The following ADAM12 variants were observed in gnomAD, a reference collection of about 807,000 sequenced individuals.
ADAM12 encodes disintegrin and metalloproteinase domain-containing protein 12.
ADAM12 carries 70 observed loss-of-function variants against 106.4 expected under a neutral mutation model. The observed-to-expected ratio is 0.66, with a 90% CI of 0.54 to 0.80. The LOEUF (loss-of-function observed/expected upper bound fraction) is 0.80, where lower values mean the gene tolerates loss of function less well. Ranked by LOEUF, ADAM12 falls within the 30% of genes least tolerant of loss-of-function variation. ADAM12 has a pLI of 0.00. For synonymous variants in ADAM12, 420 were observed against 433.5 expected (o/e 0.97, Z 0.39); for missense variants, 1,010 against 1,171.9 (o/e 0.86, Z 2.02).
rs1227565662 is a variant in ADAM12, at chr10:126,388,353, TGCGTGC to T, written c.-214_-209del. The stretch of plus-strand genomic sequence containing the variant: ...AAAAGTTTCCCCCCGTGTGTGTGCG[TGCGTGC>T]GCGCGCGCGCGCCGTTCTGGCACAA... On this transcript the variant is annotated 5_prime_UTR_variant, in exon 1 of 23. Transcript: ENST00000448723. The surrounding 1 kb of genome is among the most constrained non-coding windows in gnomAD (Gnocchi z 4.4). 9.9e-6 allele frequency: 7 copies of T among 703,898 alleles called. No homozygotes were observed. The highest frequency in any genetic ancestry group is 1.9e-5 in the African/African-American group (1 of 52,718). The allele number at this position is 703,898 out of a possible 1,614,324, so 43.6% of individuals were successfully genotyped here.
intron 14 of ADAM12, among the ~76,000 whole-genome samples, chr10:126,061,298 G>A (rs999390210): frequency 6.6e-6 from 1 of 152,172 alleles, no homozygotes; most frequent in Non-Finnish European, 1.5e-5. Flanking sequence ...ATATTACATG[G>A]AATAGATTAT....
At chr10:126,095,754 C>T (rs1273782362) in intron 10 of ADAM12, among the ~76,000 whole-genome samples, 3 of 152,062 alleles carry the variant, frequency 2.0e-5, no homozygotes, top group Non-Finnish European at 2.9e-5. Flanking sequence ...GAGTCCTCAC[C>T]CTCAAGAAGC....
chr10:126,123,910 T>C (rs1196699791), intron 5 of ADAM12, among the ~76,000 whole-genome samples: 2 of 152,246 alleles, frequency 1.3e-5, no homozygotes, highest in Non-Finnish European at 2.9e-5. Context: ...TGTTTTTCCT[T>C]GACAGGAAAC....
intron 2 of ADAM12, among the ~76,000 whole-genome samples, chr10:126,279,387 C>T (rs765443709): frequency 6.0e-5 from 9 of 150,780 alleles, no homozygotes; most frequent in Admixed American, 1.3e-4. Flanking sequence ...GCTATGGTCA[C>T]GCCACTGCAC....
chr10:126,029,020 A>G (rs1953929000), intron 21 of ADAM12, among the ~76,000 whole-genome samples: 2 of 152,252 alleles, frequency 1.3e-5, no homozygotes, highest in South Asian at 4.1e-4. Flanking sequence ...ATCACTGATC[A>G]TTAGAGAAAT....
intron 4 of ADAM12, 111 bp from the exon 5 acceptor site, chr10:126,135,771 A>G: frequency 1.1e-6 from 1 of 937,354 alleles, no homozygotes; most frequent in Non-Finnish European, 1.7e-6. Context: ...TGCATAAAAT[A>G]TTGTTCTACA....
chr10:126,237,703 G>A (rs777381977), intron 3 of ADAM12, among the ~76,000 whole-genome samples: 1 of 152,138 alleles, frequency 6.6e-6, no homozygotes, highest in Non-Finnish European at 1.5e-5. Context: ...TCATACGTTT[G>A]TAGCAAAACG....
At chr10:126,234,763 A>G (rs528870612) in intron 3 of ADAM12, among the ~76,000 whole-genome samples, 1 of 152,356 alleles carries the variant, frequency 6.6e-6, no homozygotes, top group African/African-American at 2.4e-5. Context: ...TCCGGAAAAC[A>G]GGAATAACTC....
intron 3 of ADAM12, among the ~76,000 whole-genome samples, chr10:126,203,532 A>G (rs1163644713): frequency 6.6e-6 from 1 of 152,224 alleles, no homozygotes; most frequent in Non-Finnish European, 1.5e-5. Context: ...ACGCAGAAAT[A>G]CAGAAGTCAG....
chr10:126,380,943 T>G lies in ADAM12; in HGVS notation c.88+7115A>C, dbSNP rs181977893. On this transcript the variant is annotated intron_variant, in intron 1 of 22. Transcript: ENST00000448723. ...TTAAGGAGGCCTCTGAAACACACTC[T>G]GATACAAAATTTTTTTTCTGCAACT... Among the ~76,000 whole-genome samples the G allele has an allele frequency of 4.0e-3, 611 of 152,296 alleles. 18 individuals carry two copies. Among genetic ancestry groups the G allele is most frequent in the Admixed American group, 0.037 (562 of 15,300 alleles).
At chr10:126,106,328 G>A (rs115885348) in intron 8 of ADAM12, among the ~76,000 whole-genome samples, 1,801 of 152,138 alleles carry the variant, frequency 0.012, 42 homozygotes, top group African/African-American at 0.04. Context: ...ACCTGAGAGT[G>A]TGTGCAAAGC....
intron 3 of ADAM12, among the ~76,000 whole-genome samples, chr10:126,234,686 T>G (rs1487451103): frequency 6.6e-6 from 1 of 152,124 alleles, no homozygotes; most frequent in Non-Finnish European, 1.5e-5. Flanking sequence ...GCCTTGAAAA[T>G]GCAGATCTGT....
chr10:126,156,321 C>A (rs143080692), intron 3 of ADAM12, among the ~76,000 whole-genome samples: 1 of 152,144 alleles, frequency 6.6e-6, no homozygotes, highest in Admixed American at 6.5e-5. Flanking sequence ...CTAAGTCAAA[C>A]GGAAACACTT....
rs200615034 is a variant in ADAM12 at position 126,066,743 on chromosome 10, G to A, written c.1387C>T (p.His463Tyr). The change falls in exon 13 of 23, where the codon CAT becomes TAT. Residue 463 changes from histidine (H) to tyrosine (Y), a missense_variant. By Grantham distance (83) the His-to-Tyr change is moderately conservative. Transcript: ENST00000448723. The surrounding 1 kb of genome is among the most constrained non-coding windows in gnomAD (Gnocchi z 5.1). ...TGGCAGTCTTCACAGCACAGCCCAT[G>A]TGCGCACACAGCGTCCGGCTTCAGG... ...CTLKPDAVCAHGLCCEDCQLK... is the reference protein window; with the variant it reads ...CTLKPDAVCAYGLCCEDCQLK... 7 of 1,614,190 alleles carry A rather than the reference G, an allele frequency of 4.3e-6. No individual in the cohort carries two copies. In the East Asian group the frequency reaches 1.3e-4, roughly 31 times the overall value.
At chr10:126,332,645 GC>G (rs1358223715) in intron 1 of ADAM12, among the ~76,000 whole-genome samples, 1 of 152,214 alleles carries the variant, frequency 6.6e-6, no homozygotes, top group Non-Finnish European at 1.5e-5. Flanking sequence ...TAAGCTGAGA[GC>G]TGATGATGAG....
intron 4 of ADAM12, among the ~76,000 whole-genome samples, chr10:126,138,146 A>G (rs1239764818): frequency 5.9e-5 from 9 of 152,172 alleles, no homozygotes; most frequent in Non-Finnish European, 1.2e-4. Flanking sequence ...TTTCTTAATC[A>G]CTAATGATGT....
chr10:126,202,695 G>A (rs951039570), intron 3 of ADAM12, among the ~76,000 whole-genome samples: 3 of 152,098 alleles, frequency 2.0e-5, no homozygotes, highest in East Asian at 1.9e-4. Flanking sequence ...TACTCACAAC[G>A]TACAATTTTG....
At chr10:126,085,325 C>T (rs1955316215) in intron 11 of ADAM12, among the ~76,000 whole-genome samples, 1 of 152,160 alleles carries the variant, frequency 6.6e-6, no homozygotes, top group South Asian at 2.1e-4. Context: ...AATGAAAATG[C>T]TGCTGCTGCA....
chr10:126,028,889 G>T (rs1318775410), intron 21 of ADAM12, among the ~76,000 whole-genome samples: 1 of 152,038 alleles, frequency 6.6e-6, no homozygotes, highest in Non-Finnish European at 1.5e-5. Flanking sequence ...AGGTCTAATA[G>T]CTAGCATCTA....
Sources: gnomAD v4.1 joint callset for allele counts (sites outside exome capture counted in the v4.1 genomes callset) on GRCh38, gnomAD v4.1.1 for gene constraint, Gnocchi (gnomAD v3.1) non-coding constraint, MANE v1.5 for transcripts, NCBI Gene and HGNC (gene_info 2026-07-23, HGNC 2026-07-21) for gene names.